Variants in ITGAV observed in about 807,000 individuals in gnomAD.
ITGAV encodes the protein integrin alpha-V.
ITGAV carries 76 observed loss-of-function variants against 143.8 expected under a neutral mutation model. That is an observed-to-expected ratio of 0.53 (90% CI 0.44 to 0.64). The LOEUF (loss-of-function observed/expected upper bound fraction) is 0.64, where lower values mean the gene tolerates loss of function less well. Ranked by LOEUF, ITGAV falls within the 30% of genes least tolerant of loss-of-function variation. The probability of loss-of-function intolerance (pLI) is 0.00; values close to 1 mark genes in which losing one functional copy is unlikely to be tolerated. For synonymous variants in ITGAV, 453 were observed against 446.7 expected (o/e 1.01, Z -0.18); for missense variants, 1,193 against 1,274.7 (o/e 0.94, Z 0.98).
intron 1 of ITGAV, among the ~76,000 whole-genome samples, chr2:186,594,344 A>G (rs756898843): frequency 1.3e-4 from 19 of 151,934 alleles, no homozygotes; most frequent in African/African-American, 4.6e-4. Context: ...CCTCCCTCTC[A>G]TGTTCTATTT....
At chr2:186,652,801 A>G (rs1028664054) in intron 15 of ITGAV, among the ~76,000 whole-genome samples, 2 of 152,072 alleles carry the variant, frequency 1.3e-5, no homozygotes, top group Non-Finnish European at 2.9e-5. Context: ...TTATTCCTTT[A>G]CTAGTTTCCA....
chr2:186,625,650 T>C, intron 4 of ITGAV, 63 bp downstream of exon 4: 1 of 775,116 alleles, frequency 1.3e-6, no homozygotes, highest in Non-Finnish European at 2.1e-6. Flanking sequence ...TTGTTAAAAA[T>C]ATGTGTGTGT....
chr2:186,638,604 T>A lies in ITGAV; in HGVS notation c.903+139T>A. 4.5e-6 allele frequency: 3 copies of A among 666,604 alleles called. No individual in the cohort carries two copies. The South Asian group carries it at 5.6e-5, about 12-fold the overall frequency. 41.3% of individuals were successfully genotyped at this position (666,604 alleles called of 1,614,324 possible). Reference sequence around the variant, plus strand: ...ATTCTTCCAACTCTTACCATTTTGGTCAAACTATTATCATTTCTCTTTTGA... The same window carrying A: ...ATTCTTCCAACTCTTACCATTTTGGACAAACTATTATCATTTCTCTTTTGA... On this transcript the variant is annotated intron_variant, in intron 10 of 29. Transcript: ENST00000261023.
chr2:186,628,669 C>G (rs1382334562), intron 4 of ITGAV, among the ~76,000 whole-genome samples: 1 of 152,104 alleles, frequency 6.6e-6, no homozygotes, highest in Non-Finnish European at 1.5e-5. Context: ...TGAGTAATGA[C>G]AAAGGACATT....
intron 2 of ITGAV, among the ~76,000 whole-genome samples, chr2:186,622,062 A>G (rs1687540946): frequency 6.6e-6 from 1 of 152,210 alleles, no homozygotes; most frequent in Non-Finnish European, 1.5e-5. Context: ...ACAGTTGAGC[A>G]ACTGGAAAAC....
At chr2:186,596,900 T>C (rs1686764518) in intron 1 of ITGAV, among the ~76,000 whole-genome samples, 1 of 152,246 alleles carries the variant, frequency 6.6e-6, no homozygotes, top group Admixed American at 6.5e-5. Flanking sequence ...AATATCGAGA[T>C]GGCATTTTGG....
chr2:186,627,654 T>C (rs1021194890), intron 4 of ITGAV, among the ~76,000 whole-genome samples: 4 of 152,208 alleles, frequency 2.6e-5, no homozygotes, highest in East Asian at 3.8e-4. Flanking sequence ...TAAAGTTTTA[T>C]TGGAATACAG....
intron 1 of ITGAV, among the ~76,000 whole-genome samples, chr2:186,596,980 T>G (rs1470115131): frequency 6.6e-6 from 1 of 152,222 alleles, no homozygotes; most frequent in African/African-American, 2.4e-5. Context: ...CCTTTTATAT[T>G]ATTCTGCCAT....
intron 12 of ITGAV, among the ~76,000 whole-genome samples, chr2:186,646,224 G>C (rs1688253030): frequency 6.6e-6 from 1 of 152,116 alleles, no homozygotes; most frequent in Non-Finnish European, 1.5e-5. Flanking sequence ...ATTGGCTTCT[G>C]TTCAGAAAAA....
intron 1 of ITGAV, chr2:186,600,235 T>G (rs988914477): frequency 9.1e-7 from 1 of 1,099,144 alleles, no homozygotes; most frequent in Admixed American, 2.3e-5. Context: ...CAATTCTTTC[T>G]TGCCAGGGTC....
In ITGAV at chr2:186,641,585, A is replaced by C; in HGVS notation, c.1156A>C (p.Asn386His). 6.2e-7 allele frequency: 1 copy of C among 1,613,690 alleles called. No individual in the cohort carries two copies. ...PLGDLDQDGF[N>H]DIAIAAPYGG... ...GGGAGATCTGGACCAGGATGGTTTC[A>C]ATGGTAAGATCAAAGTTTAGCAGCT... is the stretch of plus-strand genomic sequence containing the variant. The change falls in exon 12 of 30, where the codon AAT becomes CAT. Residue 386 changes from asparagine to histidine, a missense_variant. Asn to His is a moderately conservative substitution (Grantham distance 68). Transcript: ENST00000261023.
Position 186,590,323 on chromosome 2 carries a change from C to A in ITGAV, c.-16C>A. ...GGCTACCGCTCCCGGCTTGGCGTCCCGCGCGCACTTCGGCGATGGCTTTTC... is the reference window on the plus strand; with the variant it reads ...GGCTACCGCTCCCGGCTTGGCGTCCAGCGCGCACTTCGGCGATGGCTTTTC... On this transcript the variant is annotated 5_prime_UTR_variant, in exon 1 of 30. Coordinates refer to ENST00000261023, the MANE Select transcript of ITGAV (RefSeq NM_002210.5). 6.4e-7 allele frequency: 1 copy of A among 1,562,396 alleles called. No homozygotes were observed. Among genetic ancestry groups the A allele is most frequent in the South Asian group, 1.2e-5 (1 of 85,850 alleles).
intron 17 of ITGAV, among the ~76,000 whole-genome samples, chr2:186,657,961 A>C (rs1389662804): frequency 6.6e-6 from 1 of 152,172 alleles, no homozygotes; most frequent in East Asian, 1.9e-4. Context: ...AAGAAAAAAA[A>C]AACCAAAATA....
At chr2:186,622,154 G>T (rs950064956) in intron 2 of ITGAV, among the ~76,000 whole-genome samples, 185 bp from the exon 3 acceptor site, 24 of 152,068 alleles carry the variant, frequency 1.6e-4, no homozygotes, top group African/African-American at 5.8e-4. Context: ...GGGTCATCAT[G>T]TATCCTATGT....
intron 14 of ITGAV, among the ~76,000 whole-genome samples, chr2:186,650,242 CAG>C (rs1445530682): frequency 3.9e-5 from 6 of 152,154 alleles, no homozygotes; most frequent in Non-Finnish European, 5.9e-5. Flanking sequence ...TCTTTGGAGA[CAG>C]AGTTTCAGTG....
At chr2:186,673,045 C>T (rs1689109562) in intron 26 of ITGAV, among the ~76,000 whole-genome samples, 1 of 152,308 alleles carries the variant, frequency 6.6e-6, no homozygotes, top group Non-Finnish European at 1.5e-5. Context: ...AAGTTTTACA[C>T]TTACAGCTCT....
chr2:186,650,024 A>G lies in ITGAV; in HGVS notation c.1397+139A>G. 5.3e-6 allele frequency: 3 copies of G among 565,932 alleles called. No homozygotes were observed. In the East Asian group the frequency reaches 9.0e-5, roughly 17 times the overall value. 35.1% of individuals were successfully genotyped at this position (565,932 alleles called of 1,614,324 possible). On this transcript the variant is annotated intron_variant, in intron 14 of 29. Transcript: ENST00000261023. ...TTGCTCTTTCTATTCATGATTTGCT[A>G]TGGGCAAATAGTATTATTTTTATTG...
intron 20 of ITGAV, 140 bp downstream of exon 20, chr2:186,664,781 A>G: frequency 9.8e-7 from 1 of 1,025,304 alleles, no homozygotes; most frequent in South Asian, 1.6e-5. Context: ...TGCCTATCTT[A>G]CATAATTCCT....
intron 4 of ITGAV, 63 bp downstream of exon 4, chr2:186,625,650 T>A (rs1687652822): frequency 9.0e-6 from 7 of 775,116 alleles, no homozygotes; most frequent in Non-Finnish European, 1.3e-5. Context: ...TTGTTAAAAA[T>A]ATGTGTGTGT....
Sources: gnomAD v4.1 joint callset for allele counts (sites outside exome capture counted in the v4.1 genomes callset) on GRCh38, gnomAD v4.1.1 for gene constraint, MANE v1.5 for transcripts, NCBI Gene and HGNC (gene_info 2026-07-23, HGNC 2026-07-21) for gene names.